The following DNAH5 variants were observed in gnomAD, a reference collection of about 807,000 sequenced individuals.
DNAH5 encodes the protein axonemal beta dynein heavy chain 5.
In DNAH5, 372 loss-of-function variants were observed where a neutral mutation model predicts 518.2. That is an observed-to-expected ratio of 0.72 (90% CI 0.66 to 0.78). The LOEUF is 0.78. DNAH5 is among the 30% of genes least tolerant of loss of function. DNAH5 has a pLI of 0.00. For missense variants in DNAH5, 5,523 were observed against 5,687.0 expected, an observed-to-expected ratio of 0.97 and a Z score of 0.93; for synonymous variants, 2,039 against 2,025.9, an observed-to-expected ratio of 1.01 and a Z score of -0.17.
rs1467727457 is a variant in DNAH5 at position 13,714,538 on chromosome 5, T to C, written c.12992A>G (p.Asp4331Gly). 3 of 1,614,188 alleles carry C rather than the reference T, an allele frequency of 1.9e-6. No homozygotes were observed. The highest frequency in any genetic ancestry group is 2.2e-5 in the South Asian group (2 of 91,086). The change falls in exon 75 of 79, where the codon GAC becomes GGC. Residue 4331 changes from aspartate to glycine, a missense_variant. Physicochemically the swap from Asp to Gly is moderately conservative, Grantham distance 94. Around this residue, in one of 3 missense-constraint regions of DNAH5, gnomAD observed 387 missense variants for 430.0 expected, o/e 0.90. Coordinates refer to ENST00000265104, the MANE Select transcript of DNAH5 (RefSeq NM_001369.3). ...DITYQSKLAK[D>G]VLDTILGIQP... ...GATGCCTAGGATGGTGTCCAGCACGTCCTTGGCCAGCTTGCTCTGGTAGGT... is the reference window on the plus strand; with the variant it reads ...GATGCCTAGGATGGTGTCCAGCACGCCCTTGGCCAGCTTGCTCTGGTAGGT...
intron 78 of DNAH5, 40 bp downstream of exon 78, chr5:13,700,600 G>T: frequency 6.4e-7 from 1 of 1,555,808 alleles, no homozygotes; most frequent in South Asian, 1.1e-5. Flanking sequence ...TCATCCAAAC[G>T]AACAATGCGA....
intron 1 of DNAH5, among the ~76,000 whole-genome samples, chr5:13,950,219 A>G (rs1216301064): frequency 6.6e-6 from 1 of 152,168 alleles, no homozygotes; most frequent in African/African-American, 2.4e-5. Context: ...TGTTTTCTCC[A>G]TAAGAGTTTT....
intron 1 of DNAH5, among the ~76,000 whole-genome samples, chr5:13,956,037 G>A (rs985740824): frequency 2.0e-5 from 3 of 152,118 alleles, no homozygotes; most frequent in African/African-American, 7.2e-5. Flanking sequence ...GCTCACCAGT[G>A]GGGTGGTACA....
In DNAH5 at chr5:13,867,953, C is replaced by G; in HGVS notation, c.3874G>C (p.Ala1292Pro). The G allele has an allele frequency of 6.2e-7, 1 of 1,613,904 alleles. No homozygotes were observed. Among genetic ancestry groups the G allele is most frequent in the Non-Finnish European group, 8.5e-7 (1 of 1,179,950 alleles). ...TCAACTTTGTCTATCTCTTCCCTTG[C>G]TATCAGAAGTCCATATCTGTTAAGC... Reference protein sequence around the residue: ...ALLNRYGLLIAREEIDKVDTL... With the variant: ...ALLNRYGLLIPREEIDKVDTL... The change falls in exon 25 of 79, where the codon GCA (alanine) becomes CCA (proline). Residue 1292 changes from alanine to proline, a missense_variant. Around this residue, in one of 3 missense-constraint regions of DNAH5, gnomAD observed 5,121 missense variants for 5,223.3 expected, o/e 0.98. Transcript: ENST00000265104.
chr5:13,909,303 A>C (rs116160621), intron 12 of DNAH5, among the ~76,000 whole-genome samples: 2,490 of 152,306 alleles, frequency 0.016, 37 homozygotes, highest in Non-Finnish European at 0.023. Flanking sequence ...AGAGATGAGC[A>C]GCAATAATAA....
chr5:13,927,282 G>C (rs117046817), intron 3 of DNAH5, among the ~76,000 whole-genome samples: 1 of 152,014 alleles, frequency 6.6e-6, no homozygotes, highest in African/African-American at 2.4e-5. Context: ...TCACAAGGTC[G>C]AGAGATCGAG....
upstream of DNAH5, among the ~76,000 whole-genome samples, chr5:13,945,980 G>C (rs1225309896): frequency 6.6e-6 from 1 of 152,134 alleles, no homozygotes; most frequent in Non-Finnish European, 1.5e-5. Context: ...AAGTGTTGAA[G>C]ACAGTATCTA....
intron 30 of DNAH5, among the ~76,000 whole-genome samples, chr5:13,858,365 C>A (rs1036225886): frequency 6.6e-6 from 1 of 151,834 alleles, no homozygotes; most frequent in African/African-American, 2.4e-5. Context: ...GGGAGTTGAA[C>A]AATGAGAACA....
rs199648863 is a variant in DNAH5, at chr5:13,766,038, T to C, written c.10039A>G (p.Met3347Val). The C allele has an allele frequency of 2.1e-5, 34 of 1,614,114 alleles. No individual in the cohort carries two copies. The highest frequency in any genetic ancestry group is 2.7e-5 in the Non-Finnish European group (32 of 1,180,030). ...TTTAAGGATTCCTGCCAGGAGGGCA[T>C]GGTACAGCTTTTTTCCAGGTCAATT... ...VKIDLEKSCT[M>V]PSWQESLKLM... Residue 3347 changes from methionine (M) to valine (V), a missense_variant, in exon 59 of 79, where the codon ATG (methionine) becomes GTG (valine). Physicochemically the swap from Met to Val is conservative, Grantham distance 21. Coordinates refer to ENST00000265104, the MANE Select transcript of DNAH5 (RefSeq NM_001369.3).
rs1422207498 is a variant in DNAH5 at position 13,970,963 on chromosome 5, CG to C, written c.13-39720del. Among the ~76,000 whole-genome samples the C allele has an allele frequency of 2.0e-5, 3 of 152,030 alleles. No homozygotes were observed. The East Asian group carries it at 5.8e-4, about 29-fold the overall frequency. On this transcript the variant is annotated intron_variant, in intron 1 of 78. Transcript: ENST00000681290. ...CAGTTTAACATAATCCCAAACTTCT[CG>C]GAGGCTTTGTTCATTTTTTTTCTTT...
intron 1 of DNAH5, among the ~76,000 whole-genome samples, chr5:13,994,089 C>A (rs1783755644): frequency 6.6e-6 from 1 of 152,212 alleles, no homozygotes; most frequent in African/African-American, 2.4e-5. Flanking sequence ...TGACTCCTGC[C>A]CCGCACGCAT....
chr5:13,875,465 CAAAA>C (rs70964513), intron 22 of DNAH5, among the ~76,000 whole-genome samples: 2 of 106,002 alleles, frequency 1.9e-5, no homozygotes, highest in South Asian at 3.5e-4. Flanking sequence ...GAAACTCCTT[CAAAA>C]AAAAAAAAAA....
chr5:13,804,112 CG>C (rs1490840645), intron 47 of DNAH5, among the ~76,000 whole-genome samples: 2 of 151,714 alleles, frequency 1.3e-5, no homozygotes, highest in Non-Finnish European at 2.9e-5. Flanking sequence ...AATATTAGTT[CG>C]GGGGGAAAAA....
chr5:13,706,109 G>A (rs1186022249), intron 76 of DNAH5, among the ~76,000 whole-genome samples: 2 of 152,210 alleles, frequency 1.3e-5, no homozygotes, highest in African/African-American at 4.8e-5. Flanking sequence ...TGTCCAACAC[G>A]GAAGCTCCTC....
intron 12 of DNAH5, among the ~76,000 whole-genome samples, chr5:13,911,174 C>T (rs1029750156): frequency 6.6e-5 from 10 of 152,238 alleles, no homozygotes; most frequent in South Asian, 2.1e-4. Flanking sequence ...TGATACACAT[C>T]ATTAGCCAAA....
intron 1 of DNAH5, among the ~76,000 whole-genome samples, chr5:13,943,385 G>A (rs1219827663): frequency 6.6e-6 from 1 of 152,200 alleles, no homozygotes; most frequent in African/African-American, 2.4e-5. Flanking sequence ...ATAAGACATC[G>A]AAGGAAAGTG....
chr5:13,926,018 G>A (rs1253580366), intron 3 of DNAH5, among the ~76,000 whole-genome samples: 1 of 152,168 alleles, frequency 6.6e-6, no homozygotes, highest in African/African-American at 2.4e-5. Context: ...AAATGACTGG[G>A]ATATGACACC....
intron 1 of DNAH5, among the ~76,000 whole-genome samples, chr5:14,006,131 G>C (rs1338905160): frequency 6.6e-6 from 1 of 151,766 alleles, no homozygotes; most frequent in Non-Finnish European, 1.5e-5. Context: ...GATGAAGTGA[G>C]CAAGAGTCCA....
intron 1 of DNAH5, among the ~76,000 whole-genome samples, chr5:13,940,821 G>A (rs986870467): frequency 8.5e-5 from 13 of 152,162 alleles, no homozygotes; most frequent in Non-Finnish European, 1.8e-4. Flanking sequence ...CTAGACTTGT[G>A]CAAAAATTGA....
Sources: gnomAD v4.1 joint callset for allele counts (sites outside exome capture counted in the v4.1 genomes callset) on GRCh38, gnomAD v4.1.1 for gene constraint, gnomAD v4.1.1 regional missense constraint, MANE v1.5 for transcripts, NCBI Gene and HGNC (gene_info 2026-07-23, HGNC 2026-07-21) for gene names.